The following VWA5B2 variants were observed in gnomAD, a reference collection of about 807,000 sequenced individuals.
The protein encoded by VWA5B2 is von Willebrand factor A domain-containing protein 5B2.
VWA5B2 carries 93 observed loss-of-function variants against 118.5 expected under a neutral mutation model. That is an observed-to-expected ratio of 0.79 (90% confidence interval 0.66 to 0.93). The LOEUF is 0.93. Among genes scored for constraint, VWA5B2 ranks in the 40% least tolerant of loss-of-function variants. The pLI, the probability that VWA5B2 is intolerant of heterozygous loss-of-function variation, is 0.00. For missense variants in VWA5B2, 1,546 were observed against 1,672.8 expected, an observed-to-expected ratio of 0.92 and a Z score of 1.32; for synonymous variants, 708 against 716.3, an observed-to-expected ratio of 0.99 and a Z score of 0.19.
Position 184,241,320 on chromosome 3 carries a change from C to T in VWA5B2, c.3096C>T (p.Ser1032=), listed in dbSNP as rs759256176. ...RPPPRPPCRL[S]MGRRHKLCSP... is the part of the protein sequence containing the mutation. ...CTCCCCGTCCTCCCTGTCGGCTCAG[C>T]ATGGGCCGCCGTCACAAACTCTGTA... is the stretch of plus-strand genomic sequence containing the variant. The change falls in exon 19 of 20, where the codon AGC becomes AGT. Residue 1032 remains serine (S), a synonymous_variant. Transcript: ENST00000691901. This position sits in a 1 kb window ranked among gnomAD's most constrained non-coding sequence, Gnocchi z 5.1. 33 of 1,551,338 alleles carry T rather than the reference C, an allele frequency of 2.1e-5. No homozygotes were observed. Among genetic ancestry groups the T allele is most frequent in the Non-Finnish European group, 2.5e-5 (29 of 1,147,002 alleles).
In VWA5B2 at chr3:184,241,317, C is replaced by T. The variant is rs773967387; in HGVS notation, c.3093C>T (p.Leu1031=). Residue 1031 remains leucine, a synonymous_variant, in exon 19 of 20, where the codon CTC becomes CTT. Transcript: ENST00000691901. This position sits in a 1 kb window ranked among gnomAD's most constrained non-coding sequence, Gnocchi z 5.1. Reference sequence around the variant, plus strand: ...CACCTCCCCGTCCTCCCTGTCGGCTCAGCATGGGCCGCCGTCACAAACTCT... The same window carrying T: ...CACCTCCCCGTCCTCCCTGTCGGCTTAGCATGGGCCGCCGTCACAAACTCT... ...RRPPPRPPCR[L]SMGRRHKLCS... 42 of 1,551,226 alleles carry T rather than the reference C, an allele frequency of 2.7e-5. No homozygotes were observed. The African/African-American group carries it at 3.3e-4, about 12-fold the overall frequency.
rs1414920550 is a variant in VWA5B2 at position 184,238,409 on chromosome 3, C to T, written c.1826C>T (p.Pro609Leu). ...ACTGAGCCCACTGGCACCTCAGAGC[C>T]ACTGGGAACAGGCACTGTCTCAGCA... Reference protein sequence around the residue: ...PGTEPTGTSEPLGTGTVSAEL... With the variant: ...PGTEPTGTSELLGTGTVSAEL... The change falls in exon 13 of 20, where the codon CCA becomes CTA. Residue 609 changes from proline (P) to leucine (L), a missense_variant. Pro to Leu is a moderately conservative substitution (Grantham distance 98). Coordinates refer to ENST00000691901, the MANE Select transcript of VWA5B2 (RefSeq NM_001390846.1). The surrounding 1 kb of genome is among the most constrained non-coding windows in gnomAD (Gnocchi z 5.0). 20 of 1,550,652 alleles carry T rather than the reference C, an allele frequency of 1.3e-5. No individual in the cohort carries two copies. The Middle Eastern group carries it at 6.7e-4, about 52-fold the overall frequency.
chr3:184,237,519 C>T lies in VWA5B2; in HGVS notation c.1719+108C>T, dbSNP rs1718131394. On this transcript the variant is annotated intron_variant, in intron 12 of 19. Transcript: ENST00000691901. This position sits in a 1 kb window ranked among gnomAD's most constrained non-coding sequence, Gnocchi z 5.6. ...AACCCTTTTTCCATTCTCTGTGCCTCTCTCTACCAAGCTTCTCTACTATCC... is the reference window on the plus strand; with the variant it reads ...AACCCTTTTTCCATTCTCTGTGCCTTTCTCTACCAAGCTTCTCTACTATCC... 1.2e-5 allele frequency: 15 copies of T among 1,222,026 alleles called. No homozygotes were observed. In the South Asian group the frequency reaches 1.6e-4, roughly 13 times the overall value. The allele number at this position is 1,222,026 out of a possible 1,614,324, so 75.7% of individuals were successfully genotyped here.
In VWA5B2 at chr3:184,236,229, G is replaced by A. The variant is rs1458533906; in HGVS notation, c.1179G>A (p.Gln393=). Residue 393 remains glutamine (Q), a synonymous_variant, in exon 9 of 20, where the codon CAG becomes CAA. Transcript: ENST00000691901. ...TGGCCGTGTTTGGGACGTTGGTGCA[G>A]CCACTCTTCCCAGAGAGCCGGCCTT... ...INLAVFGTLV[Q]PLFPESRPCS... 26 of 1,551,678 alleles carry A rather than the reference G, an allele frequency of 1.7e-5. No individual in the cohort carries two copies. Among genetic ancestry groups the A allele is most frequent in the Non-Finnish European group, 2.2e-5 (25 of 1,147,018 alleles).
In VWA5B2 at chr3:184,233,846, G is replaced by T; in HGVS notation, c.688+113G>T. ...GAGGGACACAGGACAAAAAGACAGGGACCCCAGCCTCCGGAACATCTGGGT... is the reference window on the plus strand; with the variant it reads ...GAGGGACACAGGACAAAAAGACAGGTACCCCAGCCTCCGGAACATCTGGGT... On this transcript the variant is annotated intron_variant, in intron 5 of 19. Coordinates refer to ENST00000691901, the MANE Select transcript of VWA5B2 (RefSeq NM_001390846.1). This position sits in a 1 kb window ranked among gnomAD's most constrained non-coding sequence, Gnocchi z 5.2. 7.1e-7 allele frequency: 1 copy of T among 1,400,942 alleles called. No homozygotes were observed. 86.8% of individuals were successfully genotyped at this position (1,400,942 alleles called of 1,614,324 possible).
In VWA5B2 at chr3:184,241,557, C is replaced by G; in HGVS notation, c.3248C>G (p.Ser1083Trp). The change falls in exon 20 of 20, where the codon TCG (serine) becomes TGG (tryptophan). Residue 1083 changes from serine (S) to tryptophan (W), a missense_variant. Coordinates refer to ENST00000691901, the MANE Select transcript of VWA5B2 (RefSeq NM_001390846.1). This position sits in a 1 kb window ranked among gnomAD's most constrained non-coding sequence, Gnocchi z 5.1. Reference sequence around the variant, plus strand: ...CCCTTCTGCGCCGCTGTGCGCATCTCGCAGGAGCGCCTCTGCCGTGCCTCG... The same window carrying G: ...CCCTTCTGCGCCGCTGTGCGCATCTGGCAGGAGCGCCTCTGCCGTGCCTCG... ...DAPFCAAVRI[S>W]QERLCRASPF... 6.5e-7 allele frequency: 1 copy of G among 1,549,288 alleles called. No individual in the cohort carries two copies. Among genetic ancestry groups the G allele is most frequent in the Non-Finnish European group, 8.7e-7 (1 of 1,146,782 alleles).
At chr3:184,230,949 G>C in intron 3 of VWA5B2, 32 bp downstream of exon 3, 1 of 1,209,660 alleles carries the variant, frequency 8.3e-7, no homozygotes, top group East Asian at 3.4e-5. Context: ...CCGCGCTCCT[G>C]AAAGCCGGGC....
chr3:184,239,974 C>T lies in VWA5B2; in HGVS notation c.2678C>T (p.Ser893Phe), dbSNP rs1274577278. The T allele has an allele frequency of 6.4e-7, 1 of 1,550,824 alleles. No homozygotes were observed. The highest frequency in any genetic ancestry group is 2.4e-5 in the East Asian group (1 of 40,918). ...DQALHRLTAA[S>F]VVRDNEQLAL... The stretch of plus-strand genomic sequence containing the variant: ...GCACTCCATCGGCTGACAGCAGCCT[C>T]TGTGGTCCGGGACAATGAGCAGCTG... Residue 893 changes from serine (S) to phenylalanine (F), a missense_variant, in exon 16 of 20, where the codon TCT becomes TTT. By Grantham distance (155) the Ser-to-Phe change is radical. Coordinates refer to ENST00000691901, the MANE Select transcript of VWA5B2 (RefSeq NM_001390846.1). This position sits in a 1 kb window ranked among gnomAD's most constrained non-coding sequence, Gnocchi z 5.1.
rs781591096 is a variant in VWA5B2, at chr3:184,241,665, G to A, written c.3356G>A (p.Gly1119Asp). The A allele has an allele frequency of 1.7e-5, 26 of 1,533,220 alleles. No individual in the cohort carries two copies. The highest frequency in any genetic ancestry group is 2.2e-5 in the Non-Finnish European group (25 of 1,142,964). The allele number at this position is 1,533,220 out of a possible 1,614,324, so 95.0% of individuals were successfully genotyped here. ...WALLGPGVGQ[G>D]DSATASCSPS... ...CTTCTGGGCCCTGGTGTTGGCCAGG[G>A]TGACAGTGCCACGGCCTCCTGCAGC... Residue 1119 changes from glycine (G) to aspartate (D), a missense_variant, in exon 20 of 20, where the codon GGT (glycine) becomes GAT (aspartate). By Grantham distance (94) the Gly-to-Asp change is moderately conservative (BLOSUM62 -1). Transcript: ENST00000691901. This position sits in a 1 kb window ranked among gnomAD's most constrained non-coding sequence, Gnocchi z 5.1.
At chr3:184,229,861 C>T (rs1381773016) in intron 1 of VWA5B2, among the ~76,000 whole-genome samples, 148 bp downstream of exon 1, 1 of 152,174 alleles carries the variant, frequency 6.6e-6, no homozygotes, top group Non-Finnish European at 1.5e-5. Context: ...CTCCCACGGA[C>T]TCTCCCTGGC....
chr3:184,241,314 G>A lies in VWA5B2; in HGVS notation c.3090G>A (p.Arg1030=). The A allele has an allele frequency of 6.4e-7, 1 of 1,551,298 alleles. No individual in the cohort carries two copies. The highest frequency in any genetic ancestry group is 8.7e-7 in the Non-Finnish European group (1 of 1,146,992). ...GCCCACCTCCCCGTCCTCCCTGTCGGCTCAGCATGGGCCGCCGTCACAAAC... is the reference window on the plus strand; with the variant it reads ...GCCCACCTCCCCGTCCTCCCTGTCGACTCAGCATGGGCCGCCGTCACAAAC... The part of the protein sequence containing the change: ...PRRPPPRPPC[R]LSMGRRHKLC... Residue 1030 remains arginine (R), a synonymous_variant, in exon 19 of 20, where the codon CGG becomes CGA. Transcript: ENST00000691901. This position sits in a 1 kb window ranked among gnomAD's most constrained non-coding sequence, Gnocchi z 5.1.
chr3:184,240,474 GA>G (rs1718464928), intron 16 of VWA5B2: 2 of 440,744 alleles, frequency 4.5e-6, no homozygotes, highest in Non-Finnish European at 4.1e-6. Context: ...ATCATGAAGA[GA>G]GAGAACATTT....
Position 184,242,002 on chromosome 3 carries a change from G to A in VWA5B2, c.3693G>A (p.Gln1231=). ...TGCGCCACTGGGACCAAAACCTGCAGCTACACCTGCTGTGCTACAGCCCAG... is the reference window on the plus strand; with the variant it reads ...TGCGCCACTGGGACCAAAACCTGCAACTACACCTGCTGTGCTACAGCCCAG... The part of the protein sequence containing the change: ...LLLRHWDQNL[Q]LHLLCYSPAN... The change falls in exon 20 of 20, where the codon CAG becomes CAA. Residue 1231 remains glutamine, a synonymous_variant. Transcript: ENST00000691901. 6.5e-7 allele frequency: 1 copy of A among 1,550,346 alleles called. No individual in the cohort carries two copies. Among genetic ancestry groups the A allele is most frequent in the Non-Finnish European group, 8.7e-7 (1 of 1,146,970 alleles).
chr3:184,230,606 C>T lies in VWA5B2; in HGVS notation c.78C>T (p.Gly26=). ...CCTGGGTCCGGGCCTGCGCCAACGGCCCCTGCCTCAGCGTGCGGGCCCGGC... is the reference window on the plus strand; with the variant it reads ...CCTGGGTCCGGGCCTGCGCCAACGGTCCCTGCCTCAGCGTGCGGGCCCGGC... The part of the protein sequence containing the change: ...TDSWVRACAN[G]PCLSVRARLT... The change falls in exon 2 of 20, where the codon GGC becomes GGT. Residue 26 remains glycine (G), a synonymous_variant. Coordinates refer to ENST00000691901, the MANE Select transcript of VWA5B2 (RefSeq NM_001390846.1). The T allele has an allele frequency of 1.4e-6, 2 of 1,443,834 alleles. No individual in the cohort carries two copies. Among genetic ancestry groups the T allele is most frequent in the Non-Finnish European group, 1.8e-6 (2 of 1,104,454 alleles). The allele number at this position is 1,443,834 out of a possible 1,614,324, so 89.4% of individuals were successfully genotyped here. A position where few individuals can be genotyped will look rare whatever the true frequency, so the allele number is the denominator to read the frequency against.
In VWA5B2 at chr3:184,233,418, CTT is replaced by C; in HGVS notation, c.530+22_530+23del. On this transcript the variant is annotated intron_variant, in intron 4 of 19. Coordinates refer to ENST00000691901, the MANE Select transcript of VWA5B2 (RefSeq NM_001390846.1). The surrounding 1 kb of genome is among the most constrained non-coding windows in gnomAD (Gnocchi z 5.2). ...GACAGGTTGGGCCTATGGTGATTCT[CTT>C]CGTCCCTCCCTCGGCTTCTCTGGGT... 6.6e-7 allele frequency: 1 copy of C among 1,508,810 alleles called. No homozygotes were observed. The highest frequency in any genetic ancestry group is 8.9e-7 in the Non-Finnish European group (1 of 1,128,424). The allele number at this position is 1,508,810 out of a possible 1,614,324, so 93.5% of individuals were successfully genotyped here.
chr3:184,235,067 A>G, intron 7 of VWA5B2, 86 bp from the exon 8 acceptor site: 1 of 1,463,250 alleles, frequency 6.8e-7, no homozygotes, highest in Non-Finnish European at 9.2e-7. Context: ...TCAGACAGAA[A>G]AAGGCCCCAG....
At position 184,233,409 on chromosome 3, in the gene VWA5B2, G is replaced by A. The variant is rs547923274; in HGVS notation, c.530+12G>A. The A allele has an allele frequency of 4.0e-6, 6 of 1,518,460 alleles. No individual in the cohort carries two copies. The South Asian group carries it at 6.3e-5, about 16-fold the overall frequency. The allele number at this position is 1,518,460 out of a possible 1,614,324, so 94.1% of individuals were successfully genotyped here. A position where few individuals can be genotyped will look rare whatever the true frequency, so the allele number is the denominator to read the frequency against. On this transcript the variant is annotated intron_variant, in intron 4 of 19. Transcript: ENST00000691901. The surrounding 1 kb of genome is among the most constrained non-coding windows in gnomAD (Gnocchi z 5.2). ...CTCTGTGACGACAGGTTGGGCCTAT[G>A]GTGATTCTCTTCGTCCCTCCCTCGG...
In VWA5B2 at chr3:184,241,741, G is replaced by A. The variant is rs563411656; in HGVS notation, c.3432G>A (p.Arg1144=). Reference sequence around the variant, plus strand: ...GGCCAGGCCAGGTGGACAGTGGGCGGGGCTCAGACACCGAGGCCTCCGAGG... The same window carrying A: ...GGCCAGGCCAGGTGGACAGTGGGCGAGGCTCAGACACCGAGGCCTCCGAGG... ...SEGPGQVDSG[R]GSDTEASEGA... The change falls in exon 20 of 20, where the codon CGG becomes CGA. Residue 1144 remains arginine, a synonymous_variant. Coordinates refer to ENST00000691901, the MANE Select transcript of VWA5B2 (RefSeq NM_001390846.1). This position sits in a 1 kb window ranked among gnomAD's most constrained non-coding sequence, Gnocchi z 5.1. 4.7e-6 allele frequency: 7 copies of A among 1,487,634 alleles called. 1 individual carries two copies. In the East Asian group the frequency reaches 1.5e-4, roughly 32 times the overall value. The allele number at this position is 1,487,634 out of a possible 1,614,324, so 92.2% of individuals were successfully genotyped here. A position where few individuals can be genotyped will look rare whatever the true frequency, so the allele number is the denominator to read the frequency against.
chr3:184,236,157 C>T lies in VWA5B2; in HGVS notation c.1107C>T (p.Ala369=). The T allele has an allele frequency of 1.3e-6, 2 of 1,551,448 alleles. No individual in the cohort carries two copies. The highest frequency in any genetic ancestry group is 1.7e-6 in the Non-Finnish European group (2 of 1,146,986). Residue 369 remains alanine (A), a synonymous_variant, in exon 9 of 20, where the codon GCC becomes GCT. Transcript: ENST00000691901. The stretch of plus-strand genomic sequence containing the variant: ...CCCTCCCTGGCCCTCCACAGGATGC[C>T]ATTGTTTTGGCTGTGAAGTCCCTCC... ...LDSSSVAHKD[A]IVLAVKSLPP...
Sources: allele counts gnomAD v4.1 joint callset (sites outside exome capture counted in the v4.1 genomes callset), GRCh38; gene constraint gnomAD v4.1.1; non-coding constraint Gnocchi (gnomAD v3.1); transcripts MANE v1.5; gene names NCBI Gene and HGNC (gene_info 2026-07-23, HGNC 2026-07-21).